Variants in ARL15 observed in about 807,000 individuals in gnomAD.
ARL15 encodes ARF like GTPase 15.
In ARL15, 19 loss-of-function variants were observed where a neutral mutation model predicts 25.2. The ratio of observed to expected loss-of-function variants is 0.75; its 90% CI spans 0.53 to 1.10. The LOEUF is 1.10. ARL15 is among the 50% of genes least tolerant of loss of function. The probability of loss-of-function intolerance (pLI) is 0.00; values close to 1 mark genes in which losing one functional copy is unlikely to be tolerated. For missense variants in ARL15, 220 were observed against 246.0 expected (o/e 0.89, Z 0.71); for synonymous variants, 94 against 86.8 (o/e 1.08, Z -0.46).
At chr5:54,250,602 G>A (rs1757212821) in intron 1 of ARL15, among the ~76,000 whole-genome samples, 7 of 152,134 alleles carry the variant, frequency 4.6e-5, no homozygotes, top group Admixed American at 3.9e-4. Context: ...CTGTGATTTT[G>A]GTGGTCTTGA....
At chr5:54,189,513 T>C (rs1005239194) in intron 1 of ARL15, among the ~76,000 whole-genome samples, 5 of 152,198 alleles carry the variant, frequency 3.3e-5, no homozygotes, top group Non-Finnish European at 5.9e-5. Context: ...CAAATGATTT[T>C]GGGCAAGGGT....
At chr5:54,107,852 A>G (rs1426111588) in intron 4 of ARL15, among the ~76,000 whole-genome samples, 2 of 152,152 alleles carry the variant, frequency 1.3e-5, no homozygotes, top group Admixed American at 6.5e-5. Flanking sequence ...CATTTCTTAT[A>G]TAACGTATTT....
chr5:53,938,543 C>G (rs1746428272), intron 4 of ARL15, among the ~76,000 whole-genome samples: 2 of 152,260 alleles, frequency 1.3e-5, no homozygotes, highest in South Asian at 2.1e-4. Context: ...AAATGCAATT[C>G]TGGCCGGGTG....
At chr5:54,228,649 A>G (rs1756589623) in intron 1 of ARL15, among the ~76,000 whole-genome samples, 1 of 152,192 alleles carries the variant, frequency 6.6e-6, no homozygotes, top group Admixed American at 6.5e-5. Context: ...TTCCACAAGT[A>G]GTTTGCTTAT....
intron 4 of ARL15, among the ~76,000 whole-genome samples, chr5:54,045,252 T>C (rs1474482251): frequency 6.6e-6 from 1 of 152,192 alleles, no homozygotes; most frequent in Non-Finnish European, 1.5e-5. Flanking sequence ...TGGGCCACCA[T>C]TTGTTCTAAG....
chr5:53,946,342 C>T (rs919923954), intron 4 of ARL15, among the ~76,000 whole-genome samples: 2 of 149,754 alleles, frequency 1.3e-5, no homozygotes, highest in African/African-American at 2.4e-5. Flanking sequence ...CCCAGCTCCC[C>T]GGGAGGCTGA....
intron 1 of ARL15, among the ~76,000 whole-genome samples, chr5:54,288,636 A>T (rs1419826332): frequency 6.6e-6 from 1 of 152,250 alleles, no homozygotes; most frequent in Admixed American, 6.5e-5. Flanking sequence ...AAACAAACTG[A>T]GTAAAGCAGG....
At chr5:53,985,400 C>G (rs1748260712) in intron 4 of ARL15, among the ~76,000 whole-genome samples, 1 of 150,798 alleles carries the variant, frequency 6.6e-6, no homozygotes, top group South Asian at 2.1e-4. Context: ...TCACCACCAT[C>G]CATCGCCATT....
intron 1 of ARL15, among the ~76,000 whole-genome samples, chr5:54,177,075 C>T (rs1754897412): frequency 6.6e-6 from 1 of 152,170 alleles, no homozygotes; most frequent in African/African-American, 2.4e-5. Context: ...GGGGGGCCAA[C>T]CAAGGTCATG....
intron 3 of ARL15, among the ~76,000 whole-genome samples, chr5:54,147,972 G>C (rs1338252386): frequency 6.6e-6 from 1 of 152,122 alleles, no homozygotes; most frequent in East Asian, 1.9e-4. Context: ...AATGAGAGAT[G>C]GTAGTGGGGA....
intron 1 of ARL15, among the ~76,000 whole-genome samples, chr5:54,228,379 C>G (rs756411023): frequency 2.7e-4 from 41 of 152,040 alleles, no homozygotes; most frequent in Admixed American, 6.6e-4. Flanking sequence ...CTGCATAAAC[C>G]CAGGGGGTAG....
intron 3 of ARL15, among the ~76,000 whole-genome samples, chr5:54,120,973 T>C (rs1753055276): frequency 1.3e-5 from 2 of 152,192 alleles, no homozygotes; most frequent in African/African-American, 2.4e-5. Flanking sequence ...GTACCAATCC[T>C]GTGACAAAAC....
At chr5:54,039,383 T>C (rs967948140) in intron 4 of ARL15, among the ~76,000 whole-genome samples, 12 of 152,320 alleles carry the variant, frequency 7.9e-5, no homozygotes, top group Middle Eastern at 6.8e-3. Context: ...TAAAACAAGA[T>C]ATTCATCCTT....
chr5:54,107,300 G>A (rs1421064815), intron 4 of ARL15, among the ~76,000 whole-genome samples: 1 of 152,092 alleles, frequency 6.6e-6, no homozygotes, highest in Non-Finnish European at 1.5e-5. Context: ...TTTAGGTAGG[G>A]GCACAGCCAA....
intron 1 of ARL15, among the ~76,000 whole-genome samples, chr5:54,212,430 C>T (rs950632227): frequency 2.6e-5 from 4 of 152,172 alleles, no homozygotes; most frequent in Non-Finnish European, 4.4e-5. Context: ...CCCACAGAAC[C>T]TCAAGCAGAC....
At chr5:54,230,413 A>G (rs1247420791) in intron 1 of ARL15, among the ~76,000 whole-genome samples, 2 of 151,952 alleles carry the variant, frequency 1.3e-5, no homozygotes, top group Non-Finnish European at 2.9e-5. Flanking sequence ...GAAAAGGTGA[A>G]CCAAAAAAGC....
At chr5:54,251,824 C>T (rs1017979248) in intron 1 of ARL15, among the ~76,000 whole-genome samples, 1 of 152,174 alleles carries the variant, frequency 6.6e-6, no homozygotes, top group South Asian at 2.1e-4. Context: ...AATAGAATCA[C>T]CCTGGAGGAC....
At chr5:54,041,242 A>G (rs1488849523) in intron 4 of ARL15, among the ~76,000 whole-genome samples, 2 of 152,240 alleles carry the variant, frequency 1.3e-5, no homozygotes, top group Non-Finnish European at 2.9e-5. Flanking sequence ...TTGCTAAAAC[A>G]GAAGTAGTGA....
intron 1 of ARL15, among the ~76,000 whole-genome samples, chr5:54,192,099 C>T (rs531181035): frequency 4.6e-5 from 7 of 152,256 alleles, no homozygotes; most frequent in African/African-American, 1.4e-4. Flanking sequence ...AGGACCTTTG[C>T]ACTTGCCATT....
Sources: gnomAD v4.1 joint callset for allele counts (sites outside exome capture counted in the v4.1 genomes callset) on GRCh38, gnomAD v4.1.1 for gene constraint, MANE v1.5 for transcripts, NCBI Gene and HGNC (gene_info 2026-07-23, HGNC 2026-07-21) for gene names.